The following ZC3H12B variants were observed in gnomAD, a reference collection of about 807,000 sequenced individuals.
ZC3H12B encodes probable ribonuclease ZC3H12B.
ZC3H12B carries 7 observed loss-of-function variants against 43.9 expected under a neutral mutation model. The ratio of observed to expected loss-of-function variants is 0.16; its 90% confidence interval spans 0.09 to 0.30. ZC3H12B has a LOEUF of 0.30. ZC3H12B is among the 10% of genes least tolerant of loss of function. The probability of loss-of-function intolerance (pLI) is 1.00; values close to 1 mark genes in which losing one functional copy is unlikely to be tolerated. For missense variants in ZC3H12B, 475 were observed against 670.2 expected, an observed-to-expected ratio of 0.71 and a Z score of 3.22; for synonymous variants, 222 against 241.7, an observed-to-expected ratio of 0.92 and a Z score of 0.76.
At chrX:65,189,017 A>G in the ZC3H12B span, among the ~76,000 whole-genome samples, 20 of 92,927 alleles carry the variant, frequency 2.2e-4, no homozygotes, top group East Asian at 6.2e-3. Flanking sequence ...TCATTGTTCA[A>G]TTCTCACCTA....
In ZC3H12B at chrX:65,404,734, T is replaced by G. The variant is rs139067609; in HGVS notation, n.407+6030T>G. Among the ~76,000 whole-genome samples the G allele has an allele frequency of 4.6e-3, 515 of 111,668 alleles. 11 individuals carry two copies. In the East Asian group the frequency reaches 0.053, roughly 12 times the overall value. On this transcript the variant is annotated intron_variant and non_coding_transcript_variant, in intron 3 of 5. Transcript: ENST00000617377. ...ACATTATTAGAGCTAAAGAGAGAGA[T>G]AGTTCCCAATACAATAATATCTGGA...
the ZC3H12B span, among the ~76,000 whole-genome samples, chrX:65,178,922 G>T: frequency 8.9e-6 from 1 of 112,255 alleles, no homozygotes; most frequent in African/African-American, 3.2e-5. Flanking sequence ...ATACCCAAAG[G>T]ATTGTAACTT....
the ZC3H12B span, among the ~76,000 whole-genome samples, chrX:65,317,807 CACACACTATATATATAT>C: frequency 5.1e-4 from 52 of 102,308 alleles, 1 homozygote; most frequent in East Asian, 7.8e-3. Context: ...CACACATATA[CACACACTATATATATAT>C]ACACACTGTA....
the ZC3H12B span, among the ~76,000 whole-genome samples, chrX:65,144,550 G>A: frequency 2.7e-5 from 3 of 111,566 alleles, no homozygotes; most frequent in African/African-American, 9.8e-5. Flanking sequence ...AGTTCCTTGA[G>A]GTGTGAACTT....
chrX:65,378,039 C>A (rs2148000637), intron 2 of ZC3H12B, among the ~76,000 whole-genome samples: 1 of 110,238 alleles, frequency 9.1e-6, no homozygotes, highest in South Asian at 3.9e-4. Flanking sequence ...GTGAAGCTTG[C>A]AGTGAGTGGA....
At chrX:65,245,359 T>G in the ZC3H12B span, among the ~76,000 whole-genome samples, 1 of 111,924 alleles carries the variant, frequency 8.9e-6, no homozygotes, top group South Asian at 3.7e-4. Context: ...AATATCATCC[T>G]GATACCAAAA....
the ZC3H12B span, among the ~76,000 whole-genome samples, chrX:65,214,599 C>T: frequency 9.0e-6 from 1 of 111,638 alleles, no homozygotes; most frequent in South Asian, 3.7e-4. Context: ...AGTTCTCTTG[C>T]TATTTCTACC....
chrX:65,305,658 T>C, the ZC3H12B span, among the ~76,000 whole-genome samples: 1 of 112,219 alleles, frequency 8.9e-6, no homozygotes, highest in South Asian at 3.7e-4. Flanking sequence ...ATAAGAAATT[T>C]GTTATGTTAT....
chrX:65,076,140 TTTC>T, the ZC3H12B span, among the ~76,000 whole-genome samples: 1 of 111,031 alleles, frequency 9.0e-6, no homozygotes, highest in Admixed American at 9.5e-5. Flanking sequence ...TTTCTTTTTG[TTTC>T]TTCTTCTCTT....
chrX:65,174,123 C>A, the ZC3H12B span, among the ~76,000 whole-genome samples: 1 of 110,987 alleles, frequency 9.0e-6, no homozygotes, highest in Non-Finnish European at 1.9e-5. Context: ...ATCTTCATCC[C>A]AGAGGGGCAC....
At chrX:65,318,346 T>C in the ZC3H12B span, among the ~76,000 whole-genome samples, 55 of 109,834 alleles carry the variant, frequency 5.0e-4, no homozygotes, top group Non-Finnish European at 9.5e-4. Flanking sequence ...TTCTTCTTTC[T>C]TCCTTCTTCC....
chrX:65,226,300 C>A, the ZC3H12B span, among the ~76,000 whole-genome samples: 1 of 110,868 alleles, frequency 9.0e-6, no homozygotes, highest in Non-Finnish European at 1.9e-5. Context: ...GAAATAAAAT[C>A]CTTTACAGAC....
At chrX:65,146,030 C>G in the ZC3H12B span, among the ~76,000 whole-genome samples, 1 of 111,568 alleles carries the variant, frequency 9.0e-6, no homozygotes, top group South Asian at 3.7e-4. Context: ...GTCTAGGTCT[C>G]TAGCAAGTCC....
At chrX:65,501,239 CTTTTTTT>C (rs770490342) in intron 4 of ZC3H12B, among the ~76,000 whole-genome samples, 1 of 63,354 alleles carries the variant, frequency 1.6e-5, no homozygotes, top group Non-Finnish European at 2.7e-5. Context: ...TCAGCTTTAG[CTTTTTTT>C]TTTTTTTTTT....
the ZC3H12B span, among the ~76,000 whole-genome samples, chrX:65,140,949 T>A: frequency 8.9e-6 from 1 of 111,968 alleles, no homozygotes; most frequent in Non-Finnish European, 1.9e-5. Context: ...AGGCTTCTCT[T>A]TGTTTATTTG....
At chrX:65,139,194 G>T in the ZC3H12B span, among the ~76,000 whole-genome samples, 1 of 111,919 alleles carries the variant, frequency 8.9e-6, no homozygotes, top group Non-Finnish European at 1.9e-5. Flanking sequence ...AGTCTTCTAT[G>T]TTATCTTCCA....
the ZC3H12B span, among the ~76,000 whole-genome samples, chrX:65,179,303 T>A: frequency 1.4e-4 from 15 of 109,739 alleles, no homozygotes; most frequent in Admixed American, 1.4e-3. Flanking sequence ...AGATACGTAA[T>A]GTAGATGACG....
intron 2 of ZC3H12B, among the ~76,000 whole-genome samples, chrX:65,384,934 G>T (rs1284437961): frequency 8.9e-6 from 1 of 112,278 alleles, no homozygotes; most frequent in Non-Finnish European, 1.9e-5. Context: ...GTGTTTGTCA[G>T]GTTTGTTAAA....
At chrX:65,258,369 C>G in the ZC3H12B span, among the ~76,000 whole-genome samples, 147 of 111,753 alleles carry the variant, frequency 1.3e-3, no homozygotes, top group African/African-American at 4.6e-3. Flanking sequence ...ATTCAACATT[C>G]CTTCATGTTG....
Sources: allele counts gnomAD v4.1 joint callset (sites outside exome capture counted in the v4.1 genomes callset), GRCh38; gene constraint gnomAD v4.1.1; transcripts MANE v1.5; gene names NCBI Gene and HGNC (gene_info 2026-07-23, HGNC 2026-07-21).